PDE3B: variants seen among roughly 807,000 people sequenced by gnomAD.
The protein encoded by PDE3B is cGMP-inhibited 3',5'-cyclic phosphodiesterase 3B.
In PDE3B, 66 loss-of-function variants were observed where a neutral mutation model predicts 116.8. That is an observed-to-expected ratio of 0.56 (90% CI 0.46 to 0.69). The LOEUF (loss-of-function observed/expected upper bound fraction) is 0.69. Ranked by LOEUF, PDE3B falls within the 30% of genes least tolerant of loss-of-function variation. PDE3B has a pLI of 0.00. For missense variants in PDE3B, 1,384 were observed against 1,368.1 expected, an observed-to-expected ratio of 1.01 and a Z score of -0.18; for synonymous variants, 595 against 533.6, an observed-to-expected ratio of 1.12 and a Z score of -1.59.
chr11:14,891,129 C>G, the PDE3B span: 1 of 985,442 alleles, frequency 1.0e-6, no homozygotes, highest in South Asian at 4.7e-5. Flanking sequence ...AACTCCTGCC[C>G]CCTCCGGACG....
chr11:14,887,907 A>G, the PDE3B span, among the ~76,000 whole-genome samples: 3 of 152,188 alleles, frequency 2.0e-5, no homozygotes, highest in Non-Finnish European at 4.4e-5. Context: ...TTTCTCCCTT[A>G]TAACAACAAC....
chr11:14,746,298 G>A lies in PDE3B; in HGVS notation c.979-25639G>A, dbSNP rs146635129. 1.8e-3 allele frequency among the ~76,000 whole-genome samples: 272 copies of A among 152,236 alleles called. 9 individuals carry two copies. In the South Asian group the frequency reaches 0.054, roughly 30 times the overall value. On this transcript the variant is annotated intron_variant, in intron 1 of 15. Transcript: ENST00000282096. The stretch of plus-strand genomic sequence containing the variant: ...AATTCCAGCTACTCGGGAGGCTGAG[G>A]CACAAGAACCCAGGAGGCGGAGGTT...
At chr11:14,883,077 G>A in the PDE3B span, among the ~76,000 whole-genome samples, 3 of 151,934 alleles carry the variant, frequency 2.0e-5, no homozygotes, top group Non-Finnish European at 2.9e-5. Context: ...ATGGGTAGGA[G>A]GAATCAATAT....
At position 14,673,577 on chromosome 11, in the gene PDE3B, G is replaced by A. The variant is rs1161940846; in HGVS notation, c.978+28524G>A. The A allele has an allele frequency of 7.5e-5, 41 of 549,530 alleles. No individual in the cohort carries two copies. In the East Asian group the frequency reaches 1.4e-3, roughly 19 times the overall value. 34.0% of individuals were successfully genotyped at this position (549,530 alleles called of 1,614,324 possible). A position where few individuals can be genotyped will look rare whatever the true frequency, so the allele number is the denominator to read the frequency against. ...GATCCAAACATAAGTGAGTGAGAGC[G>A]CCTCTCACATGGCTCTCAGGACGGT... On this transcript the variant is annotated intron_variant, in intron 1 of 15. Coordinates refer to ENST00000282096, the MANE Select transcript of PDE3B (RefSeq NM_000922.4).
At chr11:14,804,807 A>T (rs117162870) in intron 5 of PDE3B, among the ~76,000 whole-genome samples, 3,445 of 152,248 alleles carry the variant, frequency 0.023, 63 homozygotes, top group Non-Finnish European at 0.038. Flanking sequence ...ATGAATGGAT[A>T]CTTCGAATAG....
chr11:14,662,085 G>A (rs902383779), intron 1 of PDE3B, among the ~76,000 whole-genome samples: 6 of 152,208 alleles, frequency 3.9e-5, no homozygotes, highest in Admixed American at 1.3e-4. Flanking sequence ...CACTTCACAC[G>A]GCCGGGTACT....
intron 5 of PDE3B, among the ~76,000 whole-genome samples, chr11:14,814,544 A>C (rs1263966808): frequency 6.6e-6 from 1 of 152,212 alleles, no homozygotes; most frequent in East Asian, 1.9e-4. Flanking sequence ...AAAAATATGC[A>C]ATGCTGCTAC....
the PDE3B span, chr11:14,887,778 T>G: frequency 4.9e-6 from 1 of 204,430 alleles, no homozygotes; most frequent in African/African-American, 2.4e-5. Context: ...ACTGACTCAT[T>G]ATCTTCTTCC....
chr11:14,780,083 G>C (rs1412049878), intron 2 of PDE3B, among the ~76,000 whole-genome samples: 1 of 151,834 alleles, frequency 6.6e-6, no homozygotes, highest in African/African-American at 2.4e-5. Flanking sequence ...ATTATATAAT[G>C]GTAAAGGGAT....
the PDE3B span, chr11:14,879,594 A>G: frequency 8.0e-6 from 5 of 626,448 alleles, no homozygotes; most frequent in South Asian, 7.8e-5. Flanking sequence ...TGGGCGTTCT[A>G]TTGAAATATA....
At chr11:14,861,177 C>A (rs782820104) in intron 13 of PDE3B, 28 bp from the exon 14 acceptor site, 17 of 1,571,998 alleles carry the variant, frequency 1.1e-5, no homozygotes, top group Middle Eastern at 1.7e-4. Context: ...CCTTCAGAAC[C>A]TAAAATGATG....
intron 1 of PDE3B, among the ~76,000 whole-genome samples, chr11:14,665,717 A>G (rs996877533): frequency 2.6e-5 from 4 of 152,242 alleles, no homozygotes; most frequent in African/African-American, 9.7e-5. Context: ...TAGGAATCCA[A>G]CTTACAAAGG....
the PDE3B span, among the ~76,000 whole-genome samples, chr11:14,883,817 T>C: frequency 3.3e-5 from 5 of 152,040 alleles, no homozygotes; most frequent in Admixed American, 6.6e-5. Flanking sequence ...GAGTCTACAA[T>C]GAACTCAAAC....
intron 1 of PDE3B, among the ~76,000 whole-genome samples, chr11:14,691,120 G>T (rs1199094943): frequency 6.6e-6 from 1 of 152,206 alleles, no homozygotes; most frequent in Non-Finnish European, 1.5e-5. Context: ...GTAGAATTCA[G>T]TAAAGGTGAT....
intron 4 of PDE3B, among the ~76,000 whole-genome samples, chr11:14,799,757 C>CTTTTTTTTTTTTT (rs60506229): frequency 2.8e-5 from 3 of 108,036 alleles, no homozygotes; most frequent in Admixed American, 9.7e-5. Flanking sequence ...CAACTCCTGC[C>CTTTTTTTTTTTTT]TTTTTTTTTT....
At position 14,867,729 on chromosome 11, in the gene PDE3B, A is replaced by G. The variant is rs782193158; in HGVS notation, c.3110A>G (p.Asp1037Gly). The G allele has an allele frequency of 8.1e-6, 13 of 1,610,310 alleles. No individual in the cohort carries two copies. The South Asian group carries it at 1.4e-4, about 18-fold the overall frequency. ...DEDGEELDTE[D>G]EEMENNLNPK... ...GACGGTGAAGAATTAGATACAGAAG[A>G]TGAAGAAATGGAAAACAATCTAAAT... The change falls in exon 15 of 16, where the codon GAT becomes GGT. Residue 1037 changes from aspartate (D) to glycine (G), a missense_variant. Coordinates refer to ENST00000282096, the MANE Select transcript of PDE3B (RefSeq NM_000922.4).
At chr11:14,645,188 G>T (rs1188213972) in intron 1 of PDE3B, 135 bp downstream of exon 1, 10 of 307,636 alleles carry the variant, frequency 3.3e-5, no homozygotes, top group East Asian at 1.7e-4. Flanking sequence ...GGGGGGGGGG[G>T]GGAGGAAATA....
intron 14 of PDE3B, among the ~76,000 whole-genome samples, chr11:14,865,547 A>T (rs1435117562): frequency 2.0e-5 from 3 of 152,198 alleles, no homozygotes; most frequent in African/African-American, 7.2e-5. Context: ...CCAGCTAAAC[A>T]TCCCAACACA....
At chr11:14,735,671 C>T (rs1031371958) in intron 1 of PDE3B, among the ~76,000 whole-genome samples, 1 of 152,194 alleles carries the variant, frequency 6.6e-6, no homozygotes, top group Non-Finnish European at 1.5e-5. Flanking sequence ...ACACTGACCA[C>T]ATTTCAAGTG....
Sources: gnomAD v4.1 joint callset for allele counts (sites outside exome capture counted in the v4.1 genomes callset) on GRCh38, gnomAD v4.1.1 for gene constraint, MANE v1.5 for transcripts, NCBI Gene and HGNC (gene_info 2026-07-23, HGNC 2026-07-21) for gene names.